Variants in LRRC4C observed in about 807,000 individuals in gnomAD.
The protein encoded by LRRC4C is leucine-rich repeat-containing protein 4C.
LRRC4C carries 5 observed loss-of-function variants against 33.6 expected under a neutral mutation model. That is an observed-to-expected ratio of 0.15 (90% CI 0.08 to 0.31). The LOEUF is 0.31. Ranked by LOEUF, LRRC4C falls within the 10% of genes least tolerant of loss-of-function variation. The pLI, the probability that LRRC4C is intolerant of heterozygous loss-of-function variation, is 1.00. For missense variants in LRRC4C, 560 were observed against 796.7 expected, an observed-to-expected ratio of 0.70 and a Z score of 3.58; for synonymous variants, 329 against 302.0, an observed-to-expected ratio of 1.09 and a Z score of -0.93.
In LRRC4C at chr11:40,228,501, T is replaced by A. The variant is rs965581382; in HGVS notation, c.-96+13018A>T. ...GAGGAAACAGGTAATAAACTTTCCA[T>A]CTATTTCCATGCTGAAAGCTATTAT... On this transcript the variant is annotated intron_variant, in intron 5 of 6. Transcript: ENST00000528697. 6.6e-5 allele frequency among the ~76,000 whole-genome samples: 10 copies of A among 152,236 alleles called. No homozygotes were observed. In the East Asian group the frequency reaches 1.9e-3, roughly 29 times the overall value.
At chr11:40,817,512 A>G (rs1159221417) in intron 2 of LRRC4C, among the ~76,000 whole-genome samples, 1 of 152,150 alleles carries the variant, frequency 6.6e-6, no homozygotes, top group Non-Finnish European at 1.5e-5. Flanking sequence ...TAGTTGATGC[A>G]AGGGTTGCAT....
At chr11:40,353,206 C>G (rs1479782115) in intron 3 of LRRC4C, among the ~76,000 whole-genome samples, 1 of 151,632 alleles carries the variant, frequency 6.6e-6, no homozygotes, top group Admixed American at 6.6e-5. Context: ...AGGTCAATAT[C>G]TCTTAGATTT....
chr11:40,277,016 G>T (rs1438957183), intron 4 of LRRC4C, among the ~76,000 whole-genome samples: 2 of 152,042 alleles, frequency 1.3e-5, no homozygotes, highest in African/African-American at 4.8e-5. Flanking sequence ...GGTAGGAAAA[G>T]GTAAAGAGTG....
chr11:40,927,331 G>A (rs984176668), intron 2 of LRRC4C, among the ~76,000 whole-genome samples: 5 of 150,258 alleles, frequency 3.3e-5, no homozygotes, highest in Non-Finnish European at 7.4e-5. Flanking sequence ...CCAAGATCAT[G>A]CCATTAGACT....
intron 3 of LRRC4C, among the ~76,000 whole-genome samples, chr11:40,438,992 A>G (rs1057360160): frequency 2.3e-4 from 32 of 140,214 alleles, no homozygotes; most frequent in Admixed American, 6.7e-4. Flanking sequence ...GTGCAGTGGC[A>G]TGATCTCGGT....
intron 5 of LRRC4C, among the ~76,000 whole-genome samples, chr11:40,237,390 T>C (rs1865638895): frequency 1.3e-5 from 2 of 152,250 alleles, no homozygotes; most frequent in African/African-American, 4.8e-5. Context: ...TCCAGAGTCT[T>C]GCCTCAGCTC....
In LRRC4C at chr11:40,891,992, G is replaced by A. The variant is rs145179774; in HGVS notation, c.-407+41643C>T. On this transcript the variant is annotated intron_variant, in intron 2 of 6. Transcript: ENST00000528697. ...CTACTAAAAATACAAAAAATTAGCC[G>A]GGCGTGGTGGTGGGCACCTGTAGTC... 5.4e-3 allele frequency among the ~76,000 whole-genome samples: 819 copies of A among 151,872 alleles called. 3 individuals are homozygous for A. Among genetic ancestry groups the A allele is most frequent in the Non-Finnish European group, 6.9e-3 (471 of 67,916 alleles).
chr11:40,464,258 A>C (rs552630762), intron 3 of LRRC4C, among the ~76,000 whole-genome samples: 1 of 152,182 alleles, frequency 6.6e-6, no homozygotes, highest in East Asian at 1.9e-4. Flanking sequence ...ATGAGGAAAA[A>C]AATTGATAAA....
chr11:40,898,583 T>C (rs1956071810), intron 2 of LRRC4C, among the ~76,000 whole-genome samples: 1 of 151,132 alleles, frequency 6.6e-6, no homozygotes, highest in African/African-American at 2.4e-5. Context: ...GAAGAAAAAG[T>C]GAAAGAAAAG....
chr11:40,273,186 G>A (rs957942030), intron 4 of LRRC4C, among the ~76,000 whole-genome samples: 2 of 152,072 alleles, frequency 1.3e-5, no homozygotes, highest in East Asian at 3.9e-4. Context: ...GATACACAAA[G>A]AGGAAGTCTG....
intron 3 of LRRC4C, among the ~76,000 whole-genome samples, chr11:40,547,817 G>C (rs1956984289): frequency 6.6e-6 from 1 of 152,066 alleles, no homozygotes; most frequent in Non-Finnish European, 1.5e-5. Context: ...TTCCCAGATA[G>C]TATCATCTTT....
intron 3 of LRRC4C, among the ~76,000 whole-genome samples, chr11:40,348,201 T>C (rs908542986): frequency 3.8e-5 from 4 of 104,100 alleles, no homozygotes; most frequent in African/African-American, 1.4e-4. Context: ...CAGAGACATG[T>C]TATGAACACA....
intron 1 of LRRC4C, among the ~76,000 whole-genome samples, chr11:41,237,905 C>G (rs1300899071): frequency 6.6e-6 from 1 of 152,126 alleles, no homozygotes; most frequent in Admixed American, 6.6e-5. Context: ...TTCACAATTT[C>G]ATTAAAAATA....
At chr11:40,884,582 G>T (rs931851971) in intron 2 of LRRC4C, among the ~76,000 whole-genome samples, 1 of 152,006 alleles carries the variant, frequency 6.6e-6, no homozygotes, top group Non-Finnish European at 1.5e-5. Flanking sequence ...AGAAGGAACT[G>T]TTCTAAAGCT....
At chr11:40,300,383 G>A (rs757425748) in intron 4 of LRRC4C, among the ~76,000 whole-genome samples, 20 of 152,188 alleles carry the variant, frequency 1.3e-4, no homozygotes, top group Non-Finnish European at 2.4e-4. Flanking sequence ...TGCCCATTTG[G>A]CAGCCAGAGG....
intron 2 of LRRC4C, among the ~76,000 whole-genome samples, chr11:40,769,828 C>A (rs1949668248): frequency 6.6e-6 from 1 of 151,980 alleles, no homozygotes; most frequent in African/African-American, 2.4e-5. Flanking sequence ...AAAAATCAAA[C>A]CAACATGGAT....
chr11:41,445,487 T>G, intron 1 of LRRC4C, among the ~76,000 whole-genome samples: 1 of 150,324 alleles, frequency 6.7e-6, no homozygotes, highest in African/African-American at 2.5e-5. Flanking sequence ...ACAAAAGGAG[T>G]AAATGGAAGA....
intron 3 of LRRC4C, among the ~76,000 whole-genome samples, chr11:40,627,270 A>ACAGC (rs1963036118): frequency 6.1e-5 from 4 of 65,710 alleles, no homozygotes; most frequent in Admixed American, 2.0e-4. Flanking sequence ...AGAGAGAGAG[A>ACAGC]GAGAGCGAGA....
chr11:41,170,408 T>G (rs1406520054), intron 1 of LRRC4C, among the ~76,000 whole-genome samples: 1 of 152,066 alleles, frequency 6.6e-6, no homozygotes, highest in Non-Finnish European at 1.5e-5. Flanking sequence ...AAAACAGAGA[T>G]ATAGACCAAT....
Sources: allele counts gnomAD v4.1 joint callset (sites outside exome capture counted in the v4.1 genomes callset), GRCh38; gene constraint gnomAD v4.1.1; transcripts MANE v1.5; gene names NCBI Gene and HGNC (gene_info 2026-07-23, HGNC 2026-07-21).